Variants in COBL observed in about 807,000 individuals in gnomAD.
COBL encodes the protein protein cordon-bleu.
In COBL, 51 loss-of-function variants were observed where a neutral mutation model predicts 98.8. The observed-to-expected ratio is 0.52, with a 90% CI of 0.41 to 0.65. COBL has a LOEUF of 0.65. Ranked by LOEUF, COBL falls within the 30% of genes least tolerant of loss-of-function variation. COBL has a pLI of 0.00. For synonymous variants in COBL, 634 were observed against 651.7 expected (o/e 0.97, Z 0.41); for missense variants, 1,617 against 1,617.5 (o/e 1.00, Z 0.01).
chr7:51,126,940 T>C (rs17635734), intron 6 of COBL, among the ~76,000 whole-genome samples: 74,232 of 151,876 alleles, frequency 0.49, 18,546 homozygotes, highest in Middle Eastern at 0.68. Flanking sequence ...TGTCTGACAT[T>C]GAGGCCATGT....
intron 1 of COBL, among the ~76,000 whole-genome samples, chr7:51,295,435 A>G (rs991721141): frequency 1.3e-5 from 2 of 152,188 alleles, no homozygotes; most frequent in African/African-American, 2.4e-5. Context: ...TACATTAAAA[A>G]ACATTTTTCA....
intron 6 of COBL, among the ~76,000 whole-genome samples, chr7:51,098,343 C>T (rs530288305): frequency 6.6e-6 from 1 of 151,494 alleles, no homozygotes; most frequent in East Asian, 1.9e-4. Flanking sequence ...TAGCTGGAAG[C>T]CTCACACTTT....
At chr7:51,020,903 A>G (rs1786864751) in intron 12 of COBL, 1 of 152,234 alleles carries the variant, frequency 6.6e-6, no homozygotes, top group African/African-American at 2.4e-5. Context: ...TATTCCTCCT[A>G]CATCAAATTT....
chr7:51,103,837 CA>C (rs1191284457), intron 6 of COBL, among the ~76,000 whole-genome samples: 14 of 152,248 alleles, frequency 9.2e-5, no homozygotes, highest in Non-Finnish European at 2.1e-4. Context: ...AACACAGACT[CA>C]AACCATGCAG....
At chr7:51,259,023 C>T (rs1184969022) in intron 1 of COBL, among the ~76,000 whole-genome samples, 1 of 152,094 alleles carries the variant, frequency 6.6e-6, no homozygotes, top group East Asian at 1.9e-4. Context: ...CGCGGTGGCT[C>T]ATGCCTGTAA....
At chr7:51,299,998 T>C (rs966583295) in intron 1 of COBL, among the ~76,000 whole-genome samples, 15 of 152,318 alleles carry the variant, frequency 9.8e-5, no homozygotes, top group Middle Eastern at 6.8e-3. Flanking sequence ...CCTGGACTAG[T>C]GCTGGCCTCA....
At chr7:51,160,212 G>A (rs1378403871) in intron 5 of COBL, among the ~76,000 whole-genome samples, 1 of 152,142 alleles carries the variant, frequency 6.6e-6, no homozygotes, top group Non-Finnish European at 1.5e-5. Context: ...GGTCAAATAG[G>A]TATGGAAAGA....
intron 6 of COBL, among the ~76,000 whole-genome samples, chr7:51,132,421 C>CTGTTCTTACTGTTCCCATTT (rs1798829169): frequency 6.6e-6 from 1 of 152,228 alleles, no homozygotes; most frequent in African/African-American, 2.4e-5. Context: ...CTGGCTAGTG[C>CTGTTCTTACTGTTCCCATTT]TGTTCTTACT....
intron 7 of COBL, among the ~76,000 whole-genome samples, chr7:51,061,267 T>C (rs2128910271): frequency 6.6e-6 from 1 of 152,308 alleles, no homozygotes; most frequent in African/African-American, 2.4e-5. Flanking sequence ...TATATACATA[T>C]AAATATCTTT....
intron 5 of COBL, among the ~76,000 whole-genome samples, chr7:51,181,334 G>T (rs535757583): frequency 2.6e-5 from 4 of 152,238 alleles, no homozygotes; most frequent in Admixed American, 6.5e-5. Flanking sequence ...TCCCACACCC[G>T]CCTGAGCTAA....
intron 1 of COBL, among the ~76,000 whole-genome samples, chr7:51,223,977 A>G (rs1793914409): frequency 6.6e-6 from 1 of 152,236 alleles, no homozygotes; most frequent in Non-Finnish European, 1.5e-5. Flanking sequence ...ACATATATAA[A>G]GGTAGTCCCC....
At chr7:51,191,159 G>T in intron 3 of COBL, 81 bp from the exon 4 acceptor site, 2 of 1,251,004 alleles carry the variant, frequency 1.6e-6, no homozygotes, top group Non-Finnish European at 2.3e-6. Context: ...TTGACAATTG[G>T]GTGTGGCAGG....
chr7:51,242,936 C>G (rs1331948802), intron 1 of COBL, among the ~76,000 whole-genome samples: 1 of 152,090 alleles, frequency 6.6e-6, no homozygotes, highest in East Asian at 1.9e-4. Context: ...AAGTCCAGGC[C>G]CCAAAGAAGA....
intron 1 of COBL, 52 bp from the exon 2 acceptor site, chr7:51,219,996 C>A (rs1336671276): frequency 5.2e-6 from 8 of 1,543,412 alleles, no homozygotes; most frequent in Non-Finnish European, 7.0e-6. Context: ...TTCCTACCTG[C>A]CTCGGAATAA....
chr7:51,115,459 T>C (rs1224352585), intron 6 of COBL, among the ~76,000 whole-genome samples: 7 of 152,134 alleles, frequency 4.6e-5, no homozygotes, highest in Non-Finnish European at 1.0e-4. Flanking sequence ...CAAATTTTAA[T>C]ATATTGTATA....
intron 1 of COBL, among the ~76,000 whole-genome samples, chr7:51,301,452 T>A (rs1801959751): frequency 1.3e-5 from 2 of 152,162 alleles, no homozygotes. Flanking sequence ...CACTGCCCCT[T>A]CCTTCACAGC....
chr7:51,176,077 G>A (rs1397013572), intron 5 of COBL, among the ~76,000 whole-genome samples: 1 of 152,140 alleles, frequency 6.6e-6, no homozygotes, highest in Non-Finnish European at 1.5e-5. Flanking sequence ...GATGGGGCTT[G>A]TACCCCATTT....
rs1787907852 is a variant in COBL, at chr7:51,029,145, CTT to C, written c.1949_1950del (p.Lys650SerfsTer6). On this transcript the variant is annotated frameshift_variant, in exon 10 of 13. Transcript: ENST00000265136. LOFTEE classifies it high-confidence loss of function. ...CTCTCCCCGTCAGCACAGCCATACA[CTT>C]TGTCTTTCACTTTTGCATTTAGGTT... ...TDNLNAKVKD[K>X]VYGCADGERT... 1 of 1,614,210 alleles carries C rather than the reference CTT, an allele frequency of 6.2e-7. No homozygotes were observed. Among genetic ancestry groups the C allele is most frequent in the Non-Finnish European group, 8.5e-7 (1 of 1,180,038 alleles).
intron 1 of COBL, among the ~76,000 whole-genome samples, chr7:51,270,124 C>A (rs927145574): frequency 6.6e-6 from 1 of 152,180 alleles, no homozygotes; most frequent in African/African-American, 2.4e-5. Flanking sequence ...CCAGGCATAA[C>A]CTGTGACAGG....
Sources: gnomAD v4.1 joint callset for allele counts (sites outside exome capture counted in the v4.1 genomes callset) on GRCh38, gnomAD v4.1.1 for gene constraint, MANE v1.5 for transcripts, NCBI Gene and HGNC (gene_info 2026-07-23, HGNC 2026-07-21) for gene names.